The following RSPO2 variants were observed in gnomAD, a reference collection of about 807,000 sequenced individuals.
The protein encoded by RSPO2 is R-spondin 2, also known as R-spondin-2.
A neutral mutation model predicts 30.9 loss-of-function variants in RSPO2; 14 were observed. The ratio of observed to expected loss-of-function variants is 0.45; its 90% CI spans 0.30 to 0.71. The LOEUF is 0.71. Ranked by LOEUF, RSPO2 falls within the 30% of genes least tolerant of loss-of-function variation. RSPO2 has a pLI of 0.08. For synonymous variants in RSPO2, 107 were observed against 96.4 expected (o/e 1.11, Z -0.64); for missense variants, 264 against 301.9 (o/e 0.87, Z 0.93).
At position 107,899,674 on chromosome 8, in the gene RSPO2, T is replaced by C. The variant is rs932545761; in HGVS notation, c.*1401A>G. The C allele has an allele frequency of 3.9e-5, 6 of 152,522 alleles. No homozygotes were observed. The highest frequency in any genetic ancestry group is 8.8e-5 in the Non-Finnish European group (6 of 68,022). The allele number at this position is 152,522 out of a possible 1,614,324, so 9.4% of individuals were successfully genotyped here. A position where few individuals can be genotyped will look rare whatever the true frequency, so the allele number is the denominator to read the frequency against. Reference sequence around the variant, plus strand: ...TGCTTTGTTTCAAAATCCACAACCATTATTTTTCTGTTCTAATTTTCTCCT... The same window carrying C: ...TGCTTTGTTTCAAAATCCACAACCACTATTTTTCTGTTCTAATTTTCTCCT... On this transcript the variant is annotated 3_prime_UTR_variant, in exon 6 of 6. Coordinates refer to ENST00000276659, the MANE Select transcript of RSPO2 (RefSeq NM_178565.5).
intron 3 of RSPO2, among the ~76,000 whole-genome samples, chr8:107,984,961 T>G (rs1814575449): frequency 6.6e-6 from 1 of 152,190 alleles, no homozygotes; most frequent in African/African-American, 2.4e-5. Flanking sequence ...ATTTATTATT[T>G]GTGAATTTAG....
intron 2 of RSPO2, among the ~76,000 whole-genome samples, chr8:108,072,720 G>C (rs1439677209): frequency 6.6e-6 from 1 of 152,002 alleles, no homozygotes; most frequent in Non-Finnish European, 1.5e-5. Context: ...GGCTGGGACA[G>C]AGCGAGACTC....
intron 3 of RSPO2, chr8:107,983,135 C>T: frequency 1.4e-6 from 2 of 1,473,808 alleles, no homozygotes; most frequent in Admixed American, 2.1e-5. Flanking sequence ...AATGAAGGAC[C>T]CCTCAACCTG....
chr8:108,020,825 T>C (rs1007763130), intron 2 of RSPO2, among the ~76,000 whole-genome samples: 2 of 152,190 alleles, frequency 1.3e-5, no homozygotes, highest in African/African-American at 4.8e-5. Flanking sequence ...TGAGGCACGC[T>C]GGAGTCTTCT....
At chr8:107,916,052 TTCTG>T (rs774801612) in intron 5 of RSPO2, among the ~76,000 whole-genome samples, 17 of 152,054 alleles carry the variant, frequency 1.1e-4, no homozygotes, top group Non-Finnish European at 1.6e-4. Flanking sequence ...CTACTATATC[TTCTG>T]TCTATTTATA....
rs1342220484 is a variant in RSPO2, at chr8:108,033,053, A to G, written c.95-43809T>C. On this transcript the variant is annotated intron_variant, in intron 2 of 5. Transcript: ENST00000276659. Reference sequence around the variant, plus strand: ...TGACAGAGCAAGACTCTGTCTCAAAAAAAAAAAAAAAAAAAAAAAAAAAAA... The same window carrying G: ...TGACAGAGCAAGACTCTGTCTCAAAGAAAAAAAAAAAAAAAAAAAAAAAAA... Among the ~76,000 whole-genome samples, 809 of 135,374 alleles carry G rather than the reference A, an allele frequency of 6.0e-3. 6 individuals are homozygous for G. The highest frequency in any genetic ancestry group is 9.3e-3 in the Non-Finnish European group (602 of 64,856). 88.8% of individuals were successfully genotyped at this position (135,374 alleles called of 152,430 possible).
intron 4 of RSPO2, among the ~76,000 whole-genome samples, chr8:107,960,359 G>GAACAAA (rs1458953290): frequency 6.6e-6 from 1 of 151,352 alleles, no homozygotes; most frequent in Non-Finnish European, 1.5e-5. Context: ...CTTCTCTTCT[G>GAACAAA]AACAAAATGT....
intron 2 of RSPO2, among the ~76,000 whole-genome samples, chr8:108,001,560 T>G (rs1376684249): frequency 1.3e-5 from 2 of 152,204 alleles, no homozygotes; most frequent in African/African-American, 4.8e-5. Flanking sequence ...TGGGAAAATA[T>G]GCTACCAGAA....
At chr8:108,055,654 T>C (rs1812221168) in intron 2 of RSPO2, among the ~76,000 whole-genome samples, 1 of 152,116 alleles carries the variant, frequency 6.6e-6, no homozygotes, top group Admixed American at 6.6e-5. Flanking sequence ...TTTAAGCAAC[T>C]AAGTAGATAT....
At chr8:107,960,607 C>T in intron 4 of RSPO2, 67 bp downstream of exon 4, 1 of 1,388,340 alleles carries the variant, frequency 7.2e-7, no homozygotes, top group Non-Finnish European at 1.0e-6. Context: ...ATCCAGCATG[C>T]ATATTTTTAA....
chr8:108,017,934 G>A (rs1339543351), intron 2 of RSPO2, among the ~76,000 whole-genome samples: 1 of 152,112 alleles, frequency 6.6e-6, no homozygotes, highest in East Asian at 1.9e-4. Context: ...TAAGTTCCTA[G>A]ATTTGTTTTC....
chr8:107,958,123 A>T lies in RSPO2; in HGVS notation c.573T>A (p.Ala191=), dbSNP rs1307686722. ...TTGTCATCTTGCATCTCCTGGATTCAGCAATGGTTGGACACAGTATTGTGT... is the reference window on the plus strand; with the variant it reads ...TTGTCATCTTGCATCTCCTGGATTCTGCAATGGTTGGACACAGTATTGTGT... ...VKDTILCPTI[A]ESRRCKMTMR... The change falls in exon 5 of 6, where the codon GCT becomes GCA. Residue 191 remains alanine (A), a synonymous_variant. Coordinates refer to ENST00000276659, the MANE Select transcript of RSPO2 (RefSeq NM_178565.5). The T allele has an allele frequency of 8.7e-6, 14 of 1,613,706 alleles. No individual in the cohort carries two copies. The highest frequency in any genetic ancestry group is 1.1e-5 in the Non-Finnish European group (13 of 1,179,782).
intron 5 of RSPO2, among the ~76,000 whole-genome samples, chr8:107,915,802 A>C (rs532539901): frequency 8.5e-5 from 13 of 152,198 alleles, no homozygotes; most frequent in South Asian, 8.3e-4. Flanking sequence ...TAGGATGAAA[A>C]ATGTTAATTT....
chr8:107,987,895 T>C (rs1319408354), intron 3 of RSPO2, among the ~76,000 whole-genome samples: 1 of 152,148 alleles, frequency 6.6e-6, no homozygotes, highest in Admixed American at 6.5e-5. Flanking sequence ...CTCATAAATA[T>C]GAGATTTAAT....
intron 5 of RSPO2, among the ~76,000 whole-genome samples, chr8:107,905,054 G>C (rs1044945573): frequency 6.6e-6 from 1 of 152,104 alleles, no homozygotes; most frequent in Non-Finnish European, 1.5e-5. Context: ...TTTGAACCAA[G>C]ATATAGGCAG....
intron 5 of RSPO2, among the ~76,000 whole-genome samples, chr8:107,934,973 A>G (rs1477794911): frequency 6.6e-6 from 1 of 152,178 alleles, no homozygotes; most frequent in Non-Finnish European, 1.5e-5. Flanking sequence ...TTATCTGCAC[A>G]AATTGTTTGT....
At chr8:108,007,516 G>T (rs996456902) in intron 2 of RSPO2, among the ~76,000 whole-genome samples, 3 of 152,056 alleles carry the variant, frequency 2.0e-5, no homozygotes, top group East Asian at 1.9e-4. Context: ...TGCCTTACAC[G>T]CCTGCTGATG....
chr8:108,077,233 A>C (rs1296438919), intron 2 of RSPO2, among the ~76,000 whole-genome samples: 1 of 152,242 alleles, frequency 6.6e-6, no homozygotes, highest in East Asian at 1.9e-4. Context: ...AAATAGTAAC[A>C]GATTGAAGAG....
intron 5 of RSPO2, among the ~76,000 whole-genome samples, chr8:107,928,906 T>C (rs1425355965): frequency 6.6e-6 from 1 of 152,182 alleles, no homozygotes; most frequent in African/African-American, 2.4e-5. Context: ...GTGGTGATAA[T>C]AACAATGACA....
Sources: gnomAD v4.1 joint callset for allele counts (sites outside exome capture counted in the v4.1 genomes callset) on GRCh38, gnomAD v4.1.1 for gene constraint, MANE v1.5 for transcripts, NCBI Gene and HGNC (gene_info 2026-07-23, HGNC 2026-07-21) for gene names.